The following RGL1 variants were observed in gnomAD, a reference collection of about 807,000 sequenced individuals.
RGL1 encodes the protein ral guanine nucleotide dissociation stimulator like 1.
Under a neutral mutation model 95.2 loss-of-function variants are expected in RGL1, and 24 were observed. The observed-to-expected ratio is 0.25, with a 90% CI of 0.18 to 0.35. RGL1 has a LOEUF of 0.35. Among genes scored for constraint, RGL1 ranks in the 10% least tolerant of loss-of-function variants. The probability of loss-of-function intolerance (pLI) is 1.00; values close to 1 mark genes in which losing one functional copy is unlikely to be tolerated. For synonymous variants in RGL1, 329 were observed against 344.9 expected, an observed-to-expected ratio of 0.95 and a Z score of 0.51; for missense variants, 715 against 936.3, an observed-to-expected ratio of 0.76 and a Z score of 3.08.
In RGL1 at chr1:183,827,526, A is replaced by G. The variant is rs146237336; in HGVS notation, c.139-20040A>G. ...TCATGTCTTTTTGGCAAAATGAATG[A>G]GTAAGTGCTTCTAAATTACTGTGAG... On this transcript the variant is annotated intron_variant, in intron 2 of 17. Coordinates refer to ENST00000360851, the MANE Select transcript of RGL1 (RefSeq NM_001297671.3). Among the ~76,000 whole-genome samples, 75 of 152,352 alleles carry G rather than the reference A, an allele frequency of 4.9e-4. No homozygotes were observed. The East Asian group carries it at 0.012, about 24-fold the overall frequency.
intron 1 of RGL1, among the ~76,000 whole-genome samples, chr1:183,650,200 C>T (rs576352872): frequency 7.9e-5 from 12 of 152,256 alleles, no homozygotes; most frequent in Middle Eastern, 3.4e-3. Flanking sequence ...ATGTTTTATA[C>T]CCTGCTTTTT....
chr1:183,659,182 C>T (rs577416978), intron 1 of RGL1, among the ~76,000 whole-genome samples: 21 of 152,230 alleles, frequency 1.4e-4, no homozygotes, highest in Non-Finnish European at 2.1e-4. Context: ...AGCTCCTCAC[C>T]GGCAATGGAA....
intron 1 of RGL1, among the ~76,000 whole-genome samples, chr1:183,718,903 A>T (rs1158871867): frequency 2.0e-5 from 3 of 152,058 alleles, no homozygotes; most frequent in Non-Finnish European, 4.4e-5. Flanking sequence ...ACAGAGTGAG[A>T]CTCTGTCTAA....
chr1:183,784,274 T>C (rs1161717786), intron 2 of RGL1, among the ~76,000 whole-genome samples: 1 of 152,062 alleles, frequency 6.6e-6, no homozygotes, highest in Non-Finnish European at 1.5e-5. Context: ...GAGACAAGTC[T>C]CAAGGAGGGA....
At chr1:183,771,991 G>A (rs1232295740) in intron 2 of RGL1, among the ~76,000 whole-genome samples, 1 of 152,236 alleles carries the variant, frequency 6.6e-6, no homozygotes, top group Non-Finnish European at 1.5e-5. Flanking sequence ...GCAGGCTATT[G>A]ACCAGCAGGT....
At chr1:183,656,863 C>T (rs1242616256) in intron 1 of RGL1, among the ~76,000 whole-genome samples, 1 of 152,058 alleles carries the variant, frequency 6.6e-6, no homozygotes, top group African/African-American at 2.4e-5. Context: ...GAAAATAGCA[C>T]ATCAAACTTT....
At chr1:183,859,647 G>C (rs1478075685) in intron 3 of RGL1, among the ~76,000 whole-genome samples, 1 of 152,186 alleles carries the variant, frequency 6.6e-6, no homozygotes, top group East Asian at 1.9e-4. Context: ...CTTTTGTTGG[G>C]TCTTCTAGCT....
rs142868618 is a variant in RGL1 at position 183,910,299 on chromosome 1, C to A, written c.1563-1783C>A. 8.6e-3 allele frequency among the ~76,000 whole-genome samples: 1,302 copies of A among 152,220 alleles called. 28 individuals are homozygous for A. The highest frequency in any genetic ancestry group is 0.029 in the African/African-American group (1,203 of 41,534). ...TTTTGGTAGAGATGGGGCTTCACCA[C>A]GTTGCCTGGAGTGGTCTTGAACTCC... On this transcript the variant is annotated intron_variant, in intron 14 of 17. Coordinates refer to ENST00000360851, the MANE Select transcript of RGL1 (RefSeq NM_001297671.3).
intron 1 of RGL1, among the ~76,000 whole-genome samples, chr1:183,675,972 C>T (rs1009958610): frequency 2.0e-5 from 3 of 152,066 alleles, no homozygotes; most frequent in Non-Finnish European, 4.4e-5. Flanking sequence ...GTAATGAGCA[C>T]AGGTCTCTAC....
intron 2 of RGL1, among the ~76,000 whole-genome samples, chr1:183,794,262 T>A (rs890981444): frequency 6.6e-6 from 1 of 152,064 alleles, no homozygotes; most frequent in African/African-American, 2.4e-5. Context: ...AAGAATAGAA[T>A]GATGTTTACC....
intron 1 of RGL1, among the ~76,000 whole-genome samples, chr1:183,663,728 A>T (rs1369836771): frequency 1.3e-5 from 2 of 151,600 alleles, no homozygotes; most frequent in African/African-American, 4.9e-5. Flanking sequence ...TACCCAAAGG[A>T]CTATAAATCA....
At chr1:183,822,713 C>T (rs1308198918) in intron 2 of RGL1, among the ~76,000 whole-genome samples, 2 of 152,196 alleles carry the variant, frequency 1.3e-5, no homozygotes, top group Non-Finnish European at 2.9e-5. Context: ...TTTACTCACT[C>T]ACTCAAATTT....
At chr1:183,700,968 A>G (rs938422879) in intron 1 of RGL1, among the ~76,000 whole-genome samples, 7 of 152,110 alleles carry the variant, frequency 4.6e-5, no homozygotes, top group African/African-American at 9.7e-5. Context: ...ATGTGTTTTC[A>G]TTGATCAACT....
intron 2 of RGL1, among the ~76,000 whole-genome samples, chr1:183,837,977 C>T (rs1663784263): frequency 6.6e-6 from 1 of 152,222 alleles, no homozygotes; most frequent in Non-Finnish European, 1.5e-5. Context: ...TCACCTGCCA[C>T]TCACCTGCTG....
chr1:183,753,180 G>A (rs1658128703), intron 2 of RGL1, among the ~76,000 whole-genome samples: 1 of 151,992 alleles, frequency 6.6e-6, no homozygotes, highest in Non-Finnish European at 1.5e-5. Flanking sequence ...TCCTCTCTGA[G>A]TTGCATTCTT....
chr1:183,868,383 A>G (rs143506077), intron 4 of RGL1, among the ~76,000 whole-genome samples: 114 of 152,296 alleles, frequency 7.5e-4, no homozygotes, highest in African/African-American at 2.7e-3. Flanking sequence ...GAAACAATAT[A>G]ATCTAAAAGG....
At chr1:183,687,829 ATGAAGGTT>A (rs1240927078) in intron 1 of RGL1, among the ~76,000 whole-genome samples, 4 of 152,240 alleles carry the variant, frequency 2.6e-5, no homozygotes, top group Non-Finnish European at 5.9e-5. Flanking sequence ...GAAACTTAAA[ATGAAGGTT>A]TGAGGATCCT....
At chr1:183,887,011 T>A (rs900748507) in intron 7 of RGL1, among the ~76,000 whole-genome samples, 3 of 151,976 alleles carry the variant, frequency 2.0e-5, no homozygotes, top group Non-Finnish European at 4.4e-5. Flanking sequence ...TCAATTTGCA[T>A]GATGTATCTG....
intron 1 of RGL1, among the ~76,000 whole-genome samples, chr1:183,673,770 T>C (rs1652638476): frequency 1.3e-5 from 2 of 152,224 alleles, no homozygotes; most frequent in Non-Finnish European, 2.9e-5. Flanking sequence ...GGCCATGCCC[T>C]ACCCTTTGGG....
Sources: allele counts gnomAD v4.1 joint callset (sites outside exome capture counted in the v4.1 genomes callset), GRCh38; gene constraint gnomAD v4.1.1; transcripts MANE v1.5; gene names NCBI Gene and HGNC (gene_info 2026-07-23, HGNC 2026-07-21).